Variants in ATAD2B observed in about 807,000 individuals in gnomAD.
ATAD2B encodes ATPase family AAA domain-containing protein 2B.
A neutral mutation model predicts 167.6 loss-of-function variants in ATAD2B; 40 were observed. That is an observed-to-expected ratio of 0.24 (90% CI 0.19 to 0.31). The LOEUF (loss-of-function observed/expected upper bound fraction) is 0.31, where lower values mean the gene tolerates loss of function less well. Among genes scored for constraint, ATAD2B ranks in the 10% least tolerant of loss-of-function variants. The pLI, the probability that ATAD2B is intolerant of heterozygous loss-of-function variation, is 1.00. For synonymous variants in ATAD2B, 579 were observed against 596.5 expected (o/e 0.97, Z 0.43); for missense variants, 1,242 against 1,757.2 (o/e 0.71, Z 5.24).
At chr2:23,686,643 T>A in the ATAD2B span, among the ~76,000 whole-genome samples, 1 of 151,870 alleles carries the variant, frequency 6.6e-6, no homozygotes, top group Admixed American at 6.5e-5. Flanking sequence ...CACAGGCCAG[T>A]GTCGGGAGAG....
chr2:23,715,066 A>G, the ATAD2B span, among the ~76,000 whole-genome samples: 1 of 152,308 alleles, frequency 6.6e-6, no homozygotes, highest in East Asian at 1.9e-4. Context: ...TACTCTACAT[A>G]TAAACTAAAA....
intron 15 of ATAD2B, among the ~76,000 whole-genome samples, chr2:23,827,049 T>G (rs1688361646): frequency 6.6e-6 from 1 of 152,170 alleles, no homozygotes; most frequent in African/African-American, 2.4e-5. Context: ...GATTTAAAAT[T>G]ACTATTTCAC....
chr2:23,710,508 G>A, the ATAD2B span, among the ~76,000 whole-genome samples: 104,506 of 152,010 alleles, frequency 0.69, 36,859 homozygotes, highest in East Asian at 0.85. Flanking sequence ...TTAGAGAGCA[G>A]TGAGGCAGAC....
Position 23,754,174 on chromosome 2 carries a change from C to T in ATAD2B, c.4335+5G>A. 1 of 1,515,130 alleles carries T rather than the reference C, an allele frequency of 6.6e-7. No individual in the cohort carries two copies. The highest frequency in any genetic ancestry group is 8.8e-7 in the Non-Finnish European group (1 of 1,133,798). The allele number at this position is 1,515,130 out of a possible 1,614,324, so 93.9% of individuals were successfully genotyped here. A position where few individuals can be genotyped will look rare whatever the true frequency, so the allele number is the denominator to read the frequency against. On this transcript the variant is annotated splice_donor_5th_base_variant and intron_variant, in intron 27 of 27. Coordinates refer to ENST00000238789, the MANE Select transcript of ATAD2B (RefSeq NM_017552.4). ...GTTTATTCTACAGATAAACTAAACACTTACCTCTACAAGTTGTGATTTGTC... is the reference window on the plus strand; with the variant it reads ...GTTTATTCTACAGATAAACTAAACATTTACCTCTACAAGTTGTGATTTGTC...
chr2:23,707,682 G>C, the ATAD2B span: 1 of 152,438 alleles, frequency 6.6e-6, no homozygotes, highest in East Asian at 1.9e-4. Flanking sequence ...TCAAGCTGAG[G>C]ACCAGGCCAG....
chr2:23,818,505 G>C (rs1172065527), intron 17 of ATAD2B, among the ~76,000 whole-genome samples: 1 of 151,554 alleles, frequency 6.6e-6, no homozygotes, highest in Non-Finnish European at 1.5e-5. Flanking sequence ...AACTTACAAA[G>C]AGTTTGCTAT....
chr2:23,900,209 C>G (rs968761981), intron 1 of ATAD2B, among the ~76,000 whole-genome samples: 2 of 152,150 alleles, frequency 1.3e-5, no homozygotes, highest in African/African-American at 4.8e-5. Context: ...AGCCACCACG[C>G]CTGGCCTCTT....
intron 8 of ATAD2B, chr2:23,872,504 C>T: frequency 1.3e-6 from 1 of 796,112 alleles, no homozygotes; most frequent in Middle Eastern, 3.5e-4. Context: ...GCTATTTCTT[C>T]ATTCCAAAAC....
chr2:23,862,215 G>T (rs919673587), intron 12 of ATAD2B, among the ~76,000 whole-genome samples: 3 of 151,708 alleles, frequency 2.0e-5, no homozygotes, highest in African/African-American at 7.3e-5. Flanking sequence ...AAAAAATTGT[G>T]AAGTACTTTA....
chr2:23,823,394 T>C lies in ATAD2B; in HGVS notation c.1995A>G (p.Gln665=), dbSNP rs200209821. The change falls in exon 16 of 28, where the codon CAA becomes CAG. Residue 665 remains glutamine (Q), a synonymous_variant. Coordinates refer to ENST00000238789, the MANE Select transcript of ATAD2B (RefSeq NM_017552.4). ...CATGCCCTGAAGACATCACAGCACG[T>C]TGGGAAGCAGGCACGATATTCTGCA... ...HAMQNIVPAS[Q]RAVMSSGHAL... 22 of 1,613,936 alleles carry C rather than the reference T, an allele frequency of 1.4e-5. No individual in the cohort carries two copies. Among genetic ancestry groups the C allele is most frequent in the African/African-American group, 1.3e-4 (10 of 75,032 alleles).
chr2:23,865,653 A>T (rs1695029596), intron 10 of ATAD2B, among the ~76,000 whole-genome samples: 1 of 152,184 alleles, frequency 6.6e-6, no homozygotes, highest in African/African-American at 2.4e-5. Flanking sequence ...GGCAAGAAAA[A>T]ATCTTAGCTA....
chr2:23,692,827 T>TG, the ATAD2B span, among the ~76,000 whole-genome samples: 3 of 152,064 alleles, frequency 2.0e-5, no homozygotes, highest in Non-Finnish European at 4.4e-5. Context: ...TGCAAGAAGC[T>TG]GGGAGGTGTG....
At chr2:23,822,700 G>A (rs1262352216) in intron 16 of ATAD2B, among the ~76,000 whole-genome samples, 1 of 151,704 alleles carries the variant, frequency 6.6e-6, no homozygotes, top group East Asian at 1.9e-4. Context: ...AAGATCACCT[G>A]AGGTCAGAAG....
chr2:23,686,381 G>A, the ATAD2B span, among the ~76,000 whole-genome samples: 22 of 152,292 alleles, frequency 1.4e-4, no homozygotes, highest in Non-Finnish European at 2.4e-4. Context: ...TGGGTCCTAC[G>A]CCTGACTCCG....
At chr2:23,757,272 T>G in intron 25 of ATAD2B, 146 bp downstream of exon 25, 1 of 630,510 alleles carries the variant, frequency 1.6e-6, no homozygotes, top group East Asian at 3.2e-5. Context: ...ATGTGTGCTT[T>G]TCTAGAGAAT....
At chr2:23,765,945 TA>T in intron 22 of ATAD2B, among the ~76,000 whole-genome samples, 1 of 152,272 alleles carries the variant, frequency 6.6e-6, no homozygotes, top group East Asian at 1.9e-4. Flanking sequence ...AGTAAAAATT[TA>T]AAAAGTATTT....
chr2:23,738,858 T>G, the ATAD2B span, among the ~76,000 whole-genome samples: 1 of 152,116 alleles, frequency 6.6e-6, no homozygotes, highest in Non-Finnish European at 1.5e-5. Context: ...GAGGAAGATC[T>G]ACCAAGCAAA....
intron 16 of ATAD2B, among the ~76,000 whole-genome samples, chr2:23,822,741 C>T (rs983815164): frequency 3.3e-5 from 5 of 150,666 alleles, no homozygotes; most frequent in African/African-American, 1.2e-4. Flanking sequence ...CATGGTGAAA[C>T]CCTATCTCTA....
At chr2:23,696,121 A>G in the ATAD2B span, 12 of 1,551,434 alleles carry the variant, frequency 7.7e-6, no homozygotes, top group East Asian at 2.4e-5. The surrounding 1 kb of genome is among the most constrained non-coding windows in gnomAD (Gnocchi z 5.5). Context: ...AGGGGACAAC[A>G]TCTACCTCTC....
Sources: gnomAD v4.1 joint callset for allele counts (sites outside exome capture counted in the v4.1 genomes callset) on GRCh38, gnomAD v4.1.1 for gene constraint, Gnocchi (gnomAD v3.1) non-coding constraint, MANE v1.5 for transcripts, NCBI Gene and HGNC (gene_info 2026-07-23, HGNC 2026-07-21) for gene names.